ZNF654: variants seen among roughly 807,000 people sequenced by gnomAD.
ZNF654 encodes melanoma-associated antigen.
Under a neutral mutation model 95.3 loss-of-function variants are expected in ZNF654, and 19 were observed. That is an observed-to-expected ratio of 0.20 (90% CI 0.14 to 0.29). ZNF654 has a LOEUF of 0.29. ZNF654 is among the 10% of genes least tolerant of loss of function. The pLI is 1.00. For missense variants in ZNF654, 1,046 were observed against 1,341.0 expected (o/e 0.78, Z 3.44); for synonymous variants, 413 against 457.9 (o/e 0.90, Z 1.25).
At chr3:88,076,450 T>C (rs998872124) in intron 1 of ZNF654, among the ~76,000 whole-genome samples, 22 of 152,310 alleles carry the variant, frequency 1.4e-4, no homozygotes, top group African/African-American at 5.3e-4. Flanking sequence ...CTGTCTAGTC[T>C]AGCCTCTAAG....
chr3:88,094,536 G>GTATT (rs1703942463), intron 2 of ZNF654, among the ~76,000 whole-genome samples: 1 of 152,088 alleles, frequency 6.6e-6, no homozygotes, highest in East Asian at 1.9e-4. Flanking sequence ...TTGGAAAATG[G>GTATT]TATTTATTGT....
Position 88,143,879 on chromosome 3 carries a change from C to G in ZNF654, c.*2227C>G, listed in dbSNP as rs934107258. On this transcript the variant is annotated 3_prime_UTR_variant, in exon 9 of 9. Coordinates refer to ENST00000636215, the MANE Select transcript of ZNF654 (RefSeq NM_001350134.2). ...TTGAAAGAATGTGTTCATTTTATTA[C>G]ATCTGTCTTTTAAAACATAAACCTA... The G allele has an allele frequency of 1.3e-5, 2 of 151,904 alleles. No homozygotes were observed. Among genetic ancestry groups the G allele is most frequent in the Non-Finnish European group, 3.0e-5 (2 of 67,780 alleles). 9.4% of individuals were successfully genotyped at this position (151,904 alleles called of 1,614,324 possible). A position where few individuals can be genotyped will look rare whatever the true frequency, so the allele number is the denominator to read the frequency against.
At chr3:88,084,526 A>G (rs888996976) in intron 1 of ZNF654, among the ~76,000 whole-genome samples, 5 of 152,194 alleles carry the variant, frequency 3.3e-5, no homozygotes, top group Admixed American at 2.0e-4. Context: ...AGCTAGTGAG[A>G]ACTGCAAGAG....
At chr3:88,113,768 T>TA (rs1705232408) in intron 3 of ZNF654, among the ~76,000 whole-genome samples, 1 of 151,762 alleles carries the variant, frequency 6.6e-6, no homozygotes, top group African/African-American at 2.4e-5. Context: ...GAGCTCCCCC[T>TA]AGGGGTGAAG....
intron 1 of ZNF654, among the ~76,000 whole-genome samples, chr3:88,073,494 C>T (rs1707630090): frequency 6.6e-6 from 1 of 151,930 alleles, no homozygotes; most frequent in African/African-American, 2.4e-5. Flanking sequence ...TCGAAGTATC[C>T]CAGAAAAGGA....
chr3:88,066,555 G>A (rs746890794), intron 1 of ZNF654, among the ~76,000 whole-genome samples: 6 of 151,722 alleles, frequency 4.0e-5, no homozygotes, highest in Non-Finnish European at 7.4e-5. Flanking sequence ...GAGCGAGACT[G>A]TGTAAAACAA....
In ZNF654 at chr3:88,078,055, T is replaced by G. The variant is rs73844856; in HGVS notation, c.187-8202T>G. On this transcript the variant is annotated intron_variant, in intron 1 of 8. Coordinates refer to ENST00000636215, the MANE Select transcript of ZNF654 (RefSeq NM_001350134.2). Reference sequence around the variant, plus strand: ...TAAAACATGCTTAATATGCTAATTCTGGAATCCCTATATTAGCAAGTATAA... The same window carrying G: ...TAAAACATGCTTAATATGCTAATTCGGGAATCCCTATATTAGCAAGTATAA... Among the ~76,000 whole-genome samples, 460 of 152,338 alleles carry G rather than the reference T, an allele frequency of 3.0e-3. 3 individuals are homozygous for G. The highest frequency in any genetic ancestry group is 0.011 in the African/African-American group (442 of 41,588).
chr3:88,076,271 G>C (rs965417886), intron 1 of ZNF654, among the ~76,000 whole-genome samples: 2 of 152,110 alleles, frequency 1.3e-5, no homozygotes, highest in African/African-American at 4.8e-5. Context: ...CTCCGGTCTG[G>C]TTCACTCTTG....
chr3:88,121,419 G>A (rs56246133), intron 3 of ZNF654, among the ~76,000 whole-genome samples: 10,252 of 152,048 alleles, frequency 0.067, 478 homozygotes, highest in Non-Finnish European at 0.1. Flanking sequence ...ACTTCCAAAT[G>A]TTCATTTTAA....
At chr3:88,119,504 C>T (rs1185497196) in intron 3 of ZNF654, among the ~76,000 whole-genome samples, 1 of 148,636 alleles carries the variant, frequency 6.7e-6, no homozygotes, top group African/African-American at 2.5e-5. Context: ...AACTAACCTG[C>T]ACAATGTGCA....
chr3:88,121,074 A>C (rs1705742236), intron 3 of ZNF654, among the ~76,000 whole-genome samples: 1 of 152,144 alleles, frequency 6.6e-6, no homozygotes, highest in South Asian at 2.1e-4. Context: ...TATATTCAGC[A>C]CATGTATCCC....
Position 88,091,476 on chromosome 3 carries a change from A to G in ZNF654, c.332+5074A>G, listed in dbSNP as rs1017550994. ...TTGGAATTTTTTCCCTCTTTCATCTATATAATCTTTGTTAACTTTAGTGTT... is the reference window on the plus strand; with the variant it reads ...TTGGAATTTTTTCCCTCTTTCATCTGTATAATCTTTGTTAACTTTAGTGTT... On this transcript the variant is annotated intron_variant, in intron 2 of 8. Coordinates refer to ENST00000636215, the MANE Select transcript of ZNF654 (RefSeq NM_001350134.2). 4.6e-5 allele frequency among the ~76,000 whole-genome samples: 7 copies of G among 152,116 alleles called. 1 individual carries two copies. The highest frequency in any genetic ancestry group is 2.9e-5 in the Non-Finnish European group (2 of 68,014).
chr3:88,119,431 T>C (rs1351549107), intron 3 of ZNF654, among the ~76,000 whole-genome samples: 8 of 141,580 alleles, frequency 5.7e-5, no homozygotes, highest in Non-Finnish European at 1.1e-4. Flanking sequence ...TTGGGAGATA[T>C]ACCTAATGCT....
In ZNF654 at chr3:88,126,238, C is replaced by A. The variant is rs758639245; in HGVS notation, c.519C>A (p.Val173=). 1.3e-6 allele frequency: 2 copies of A among 1,524,776 alleles called. No homozygotes were observed. Among genetic ancestry groups the A allele is most frequent in the South Asian group, 2.4e-5 (2 of 82,404 alleles). 94.5% of individuals were successfully genotyped at this position (1,524,776 alleles called of 1,614,324 possible). The change falls in exon 4 of 9, where the codon GTC becomes GTA. Residue 173 remains valine, a synonymous_variant. Coordinates refer to ENST00000636215, the MANE Select transcript of ZNF654 (RefSeq NM_001350134.2). ...GPWEDPVLQA[V]LKAQPASQEI... ...GGGAAGATCCAGTGTTGCAAGCTGT[C>A]CTTAAAGCTCAGCCAGCATCTCAGG...
chr3:88,135,146 A>G lies in ZNF654; in HGVS notation c.979A>G (p.Arg327Gly). The change falls in exon 7 of 9, where the codon AGA becomes GGA. Residue 327 changes from arginine to glycine, a missense_variant. Arg to Gly is a moderately radical substitution (Grantham distance 125). Coordinates refer to ENST00000636215, the MANE Select transcript of ZNF654 (RefSeq NM_001350134.2). ...VFVDQCYQLL[R>G]TATNVRVIFP... is the part of the protein sequence containing the mutation. ...TGTAGATCAATGCTACCAGCTTTTA[A>G]GAACAGCAACTAATGTGAGAGTCAT... 6.7e-7 allele frequency: 1 copy of G among 1,494,390 alleles called. No homozygotes were observed. The highest frequency in any genetic ancestry group is 8.9e-7 in the Non-Finnish European group (1 of 1,127,862). The allele number at this position is 1,494,390 out of a possible 1,614,324, so 92.6% of individuals were successfully genotyped here.
chr3:88,105,039 CTG>C (rs1238742113), intron 2 of ZNF654, among the ~76,000 whole-genome samples: 1 of 152,174 alleles, frequency 6.6e-6, no homozygotes, highest in African/African-American at 2.4e-5. Context: ...ACTCGGGAGA[CTG>C]AGGCAGAAGA....
intron 7 of ZNF654, among the ~76,000 whole-genome samples, chr3:88,136,181 A>G (rs1374381203): frequency 6.6e-6 from 1 of 152,190 alleles, no homozygotes; most frequent in African/African-American, 2.4e-5. Context: ...ATTTTAAACA[A>G]TAAAGATGTA....
intron 7 of ZNF654, among the ~76,000 whole-genome samples, chr3:88,137,637 C>G (rs759281637): frequency 2.0e-4 from 31 of 151,926 alleles, no homozygotes; most frequent in South Asian, 4.2e-4. Flanking sequence ...TTTAACTGTA[C>G]CTCAGGGCAG....
intron 2 of ZNF654, among the ~76,000 whole-genome samples, chr3:88,089,984 C>G (rs76330474): frequency 6.6e-6 from 1 of 152,156 alleles, no homozygotes; most frequent in Non-Finnish European, 1.5e-5. Context: ...ATTATTCATG[C>G]TTGTGGTGAT....
Sources: allele counts gnomAD v4.1 joint callset (sites outside exome capture counted in the v4.1 genomes callset), GRCh38; gene constraint gnomAD v4.1.1; transcripts MANE v1.5; gene names NCBI Gene and HGNC (gene_info 2026-07-23, HGNC 2026-07-21).